The following DOCK8 variants were observed in gnomAD, a reference collection of about 807,000 sequenced individuals.
DOCK8 encodes dedicator of cytokinesis 8, also known as dedicator of cytokinesis protein 8.
Under a neutral mutation model 245.6 loss-of-function variants are expected in DOCK8, and 141 were observed. The observed-to-expected ratio is 0.57, with a 90% CI of 0.50 to 0.66. The LOEUF is 0.66. Ranked by LOEUF, DOCK8 falls within the 30% of genes least tolerant of loss-of-function variation. The pLI is 0.00. For synonymous variants in DOCK8, 1,168 were observed against 970.2 expected, an observed-to-expected ratio of 1.20 and a Z score of -3.79; for missense variants, 2,965 against 2,603.4, an observed-to-expected ratio of 1.14 and a Z score of -3.02.
At chr9:347,227 G>C (rs1208635592) in intron 14 of DOCK8, among the ~76,000 whole-genome samples, 1 of 152,082 alleles carries the variant, frequency 6.6e-6, no homozygotes, top group Non-Finnish European at 1.5e-5. Context: ...CTCCATACCG[G>C]GCACAGCGGC....
intron 2 of DOCK8, among the ~76,000 whole-genome samples, chr9:275,031 C>A (rs1000483138): frequency 2.0e-5 from 3 of 152,180 alleles, no homozygotes; most frequent in African/African-American, 7.2e-5. Context: ...AGCTTGGAGT[C>A]AGGTGAATCT....
intron 39 of DOCK8, among the ~76,000 whole-genome samples, chr9:437,017 G>T (rs755933325): frequency 6.6e-6 from 1 of 152,182 alleles, no homozygotes; most frequent in African/African-American, 2.4e-5. Flanking sequence ...AATGAGTTAG[G>T]TGTTGTCAGC....
intron 26 of DOCK8, among the ~76,000 whole-genome samples, chr9:404,478 C>A (rs1052406707): frequency 6.6e-6 from 1 of 152,048 alleles, no homozygotes. Flanking sequence ...TTAGAAACTA[C>A]GAGAGAACAC....
chr9:418,928 G>T (rs537545388), intron 30 of DOCK8, among the ~76,000 whole-genome samples: 8 of 151,294 alleles, frequency 5.3e-5, no homozygotes, highest in Admixed American at 2.0e-4. Context: ...TAGCGTAAGG[G>T]CTTCTTAAAC....
chr9:330,591 T>G (rs1257917896), intron 9 of DOCK8, among the ~76,000 whole-genome samples: 1 of 152,140 alleles, frequency 6.6e-6, no homozygotes, highest in African/African-American at 2.4e-5. Context: ...TGAAATAATG[T>G]ATGTAAAAAC....
At chr9:214,795 C>A (rs533817104), upstream of DOCK8, 8 of 1,576,256 alleles carry the variant, frequency 5.1e-6, no homozygotes, top group Admixed American at 1.4e-4. Flanking sequence ...GTCGCTGCTC[C>A]GAGCTCGGAC....
chr9:314,525 G>C (rs750711000), intron 6 of DOCK8: 3 of 152,282 alleles, frequency 2.0e-5, no homozygotes, highest in Non-Finnish European at 2.9e-5. Flanking sequence ...CGCTCCATTG[G>C]GACTGAATGT....
chr9:355,192 CTTTTT>C (rs749045514), intron 14 of DOCK8, among the ~76,000 whole-genome samples: 1 of 121,106 alleles, frequency 8.3e-6, no homozygotes, highest in South Asian at 2.5e-4. Flanking sequence ...TGTTTCTTTT[CTTTTT>C]TTTTTTTTTT....
At chr9:409,369 A>C (rs1486065469) in intron 28 of DOCK8, among the ~76,000 whole-genome samples, 1 of 152,246 alleles carries the variant, frequency 6.6e-6, no homozygotes, top group African/African-American at 2.4e-5. Context: ...TGCCTAATTC[A>C]AAACACAACC....
rs574677275 is a variant in DOCK8, at chr9:346,740, G to A, written c.1679+6419G>A. On this transcript the variant is annotated intron_variant, in intron 14 of 47. Coordinates refer to ENST00000432829, the MANE Select transcript of DOCK8 (RefSeq NM_203447.4). ...CGGGGATGTGCTCCCATATCGCAGT[G>A]GAGTCTTAAGGAGTACTACCCACCT... 3.9e-5 allele frequency among the ~76,000 whole-genome samples: 6 copies of A among 152,268 alleles called. No homozygotes were observed. In the East Asian group the frequency reaches 1.2e-3, roughly 29 times the overall value.
rs1174188280 is a variant in DOCK8, at chr9:277,611, AAGG to A, written c.156+5887_156+5889del. Among the ~76,000 whole-genome samples the A allele has an allele frequency of 2.7e-5, 4 of 146,336 alleles. No individual in the cohort carries two copies. The South Asian group carries it at 8.4e-4, about 31-fold the overall frequency. On this transcript the variant is annotated intron_variant, in intron 2 of 47. Transcript: ENST00000432829. Reference sequence around the variant, plus strand: ...GTTAGGATCTATGCCCTAAGGAAGTAAGGAGGATTTGAGACTGTGTAGGTGGTT... The same window carrying A: ...GTTAGGATCTATGCCCTAAGGAAGTAAGGATTTGAGACTGTGTAGGTGGTT...
intron 26 of DOCK8, among the ~76,000 whole-genome samples, chr9:404,172 G>A (rs1477636337): frequency 1.3e-5 from 2 of 151,728 alleles, no homozygotes; most frequent in African/African-American, 2.4e-5. Flanking sequence ...TTTGCCTTTA[G>A]AGGAGCTGCC....
At chr9:272,571 A>G (rs1411935635) in intron 2 of DOCK8, among the ~76,000 whole-genome samples, 1 of 152,124 alleles carries the variant, frequency 6.6e-6, no homozygotes, top group Non-Finnish European at 1.5e-5. Flanking sequence ...CTTTTTGTAG[A>G]GACAGGGGTC....
At chr9:279,186 C>T (rs756965095) in intron 2 of DOCK8, among the ~76,000 whole-genome samples, 2 of 152,154 alleles carry the variant, frequency 1.3e-5, no homozygotes, top group Admixed American at 1.3e-4. Context: ...GGAATTGCCA[C>T]TTGCAGAAGT....
At chr9:379,074 G>A (rs2053632445) in intron 20 of DOCK8, among the ~76,000 whole-genome samples, 2 of 152,284 alleles carry the variant, frequency 1.3e-5, no homozygotes, top group South Asian at 4.1e-4. Context: ...CATGAGCAAA[G>A]TCTCAGAGGT....
rs1259650319 is a variant in DOCK8 at position 379,780 on chromosome 9, C to T, written c.2450C>T (p.Ser817Phe). 8 of 1,614,218 alleles carry T rather than the reference C, an allele frequency of 5.0e-6. No individual in the cohort carries two copies. Among genetic ancestry groups the T allele is most frequent in the South Asian group, 1.1e-5 (1 of 91,086 alleles). ...MVIAGQTANF[S>F]QFAFESVVAI... ...TCTCTTGGTTCCTCAGCCAACTTCT[C>T]CCAGTTTGCCTTCGAGTCCGTGGTG... is the stretch of plus-strand genomic sequence containing the variant. The change falls in exon 21 of 48, where the codon TCC becomes TTC. Residue 817 changes from serine to phenylalanine, a missense_variant. Physicochemically the swap from Ser to Phe is radical, Grantham distance 155. This residue lies in a region of DOCK8 where 2,825 missense variants were observed against 2,453.5 expected (regional missense o/e 1.15). Transcript: ENST00000432829.
intron 37 of DOCK8, 76 bp downstream of exon 37, chr9:432,400 A>T (rs977068646): frequency 7.4e-7 from 1 of 1,345,458 alleles, no homozygotes; most frequent in African/African-American, 1.4e-5. Context: ...GTATGTACAT[A>T]TATACACAAT....
In DOCK8 at chr9:311,991, C is replaced by T. The variant is rs369919982; in HGVS notation, c.566C>T (p.Ser189Phe). The T allele has an allele frequency of 3.4e-5, 55 of 1,614,040 alleles. No individual in the cohort carries two copies. Among genetic ancestry groups the T allele is most frequent in the South Asian group, 4.4e-5 (4 of 91,090 alleles). ...CACTTAAACGTGCTGTGCGACGTGT[C>T]TGGGAAAGGCCCCGTCACTGCCTGT... is the stretch of plus-strand genomic sequence containing the variant. The part of the protein sequence containing the change: ...PRHLNVLCDV[S>F]GKGPVTACDF... Residue 189 changes from serine (S) to phenylalanine (F), a missense_variant, in exon 6 of 48, where the codon TCT becomes TTT. By Grantham distance (155) the Ser-to-Phe change is radical. Transcript: ENST00000432829.
rs2055006347 is a variant in DOCK8 at position 400,930 on chromosome 9, A to ACC, written c.3234+1671_3234+1672insCC. 1.7e-4 allele frequency among the ~76,000 whole-genome samples: 2 copies of ACC among 11,712 alleles called. 1 individual carries two copies. The highest frequency in any genetic ancestry group is 2.6e-4 in the Non-Finnish European group (2 of 7,708). 7.7% of individuals were successfully genotyped at this position (11,712 alleles called of 152,430 possible). ...CCAACAGCTCCTTCACCATCACCACAACATCCACCACCACCATCACCACCA... is the reference window on the plus strand; with the variant it reads ...CCAACAGCTCCTTCACCATCACCACACCACATCCACCACCACCATCACCACCA... On this transcript the variant is annotated intron_variant, in intron 26 of 47. Transcript: ENST00000432829.
Sources: allele counts gnomAD v4.1 joint callset (sites outside exome capture counted in the v4.1 genomes callset), GRCh38; gene constraint gnomAD v4.1.1; regional missense constraint gnomAD v4.1.1; transcripts MANE v1.5; gene names NCBI Gene and HGNC (gene_info 2026-07-23, HGNC 2026-07-21).